Variants in MCPH1 observed in about 807,000 individuals in gnomAD.
MCPH1 encodes the protein microcephalin 1.
In MCPH1, 104 loss-of-function variants were observed where a neutral mutation model predicts 84.5. The observed-to-expected ratio is 1.23, with a 90% confidence interval of 1.05 to 1.45. The LOEUF is 1.45. Among genes scored for constraint, MCPH1 ranks in the 40% most tolerant of loss-of-function variants. The probability of loss-of-function intolerance (pLI) is 0.00; values close to 1 mark genes in which losing one functional copy is unlikely to be tolerated. For missense variants in MCPH1, 1,498 were observed against 1,005.7 expected (o/e 1.49, Z -6.62); for synonymous variants, 514 against 366.8 (o/e 1.40, Z -4.58).
chr8:6,513,587 C>T, intron 12 of MCPH1: 1 of 1,016,876 alleles, frequency 9.8e-7, no homozygotes, highest in Non-Finnish European at 1.4e-6. Context: ...CCCACCTCGG[C>T]CTCCCAAAGT....
chr8:6,581,530 A>T (rs1416942906), intron 12 of MCPH1, among the ~76,000 whole-genome samples: 2 of 152,248 alleles, frequency 1.3e-5, no homozygotes, highest in African/African-American at 4.8e-5. Context: ...AAACATCAGG[A>T]TCTCATGTAA....
chr8:6,482,930 A>G (rs895618180), intron 11 of MCPH1, among the ~76,000 whole-genome samples: 6 of 152,262 alleles, frequency 3.9e-5, no homozygotes, highest in Non-Finnish European at 7.3e-5. Flanking sequence ...AGGCAATCAG[A>G]CAAGAAAAGA....
At chr8:6,422,644 A>C (rs1800384916) in intron 3 of MCPH1, among the ~76,000 whole-genome samples, 1 of 152,178 alleles carries the variant, frequency 6.6e-6, no homozygotes, top group African/African-American at 2.4e-5. Flanking sequence ...CAAGGGGCTC[A>C]TGCAGACCCC....
intron 12 of MCPH1, among the ~76,000 whole-genome samples, chr8:6,590,108 C>T (rs548828445): frequency 5.3e-5 from 8 of 151,240 alleles, no homozygotes; most frequent in Non-Finnish European, 1.0e-4. Context: ...CATTTGGTGC[C>T]GGAAGAATGA....
chr8:6,500,025 A>C (rs1432307371), intron 12 of MCPH1, 96 bp downstream of exon 12: 1 of 1,006,796 alleles, frequency 9.9e-7, no homozygotes. Flanking sequence ...TATCCAGTCA[A>C]GCACAATTAT....
At position 6,644,211 on chromosome 8, in the gene MCPH1, A is replaced by C. The variant is rs1338616276; in HGVS notation, c.*1162A>C. 1 of 152,196 alleles carries C rather than the reference A, an allele frequency of 6.6e-6. No homozygotes were observed. The highest frequency in any genetic ancestry group is 2.4e-5 in the African/African-American group (1 of 41,422). 9.4% of individuals were successfully genotyped at this position (152,196 alleles called of 1,614,324 possible). A position where few individuals can be genotyped will look rare whatever the true frequency, so the allele number is the denominator to read the frequency against. ...GTTGCAGTGAGCCAAGGTTGCAGTGAATCAAGATTGCTCCACTGCACTCCA... is the reference window on the plus strand; with the variant it reads ...GTTGCAGTGAGCCAAGGTTGCAGTGCATCAAGATTGCTCCACTGCACTCCA... On this transcript the variant is annotated 3_prime_UTR_variant, in exon 14 of 14. Coordinates refer to ENST00000344683, the MANE Select transcript of MCPH1 (RefSeq NM_024596.5).
Position 6,575,263 on chromosome 8 carries a change from A to G in MCPH1, c.2215-46191A>G, listed in dbSNP as rs185578566. Reference sequence around the variant, plus strand: ...TTAACTAATATTAAACAGTATATGAAACAGGTGAAGAAGAACAGCTGTATA... The same window carrying G: ...TTAACTAATATTAAACAGTATATGAGACAGGTGAAGAAGAACAGCTGTATA... On this transcript the variant is annotated intron_variant, in intron 12 of 13. Coordinates refer to ENST00000344683, the MANE Select transcript of MCPH1 (RefSeq NM_024596.5). Among the ~76,000 whole-genome samples the G allele has an allele frequency of 2.0e-5, 3 of 152,354 alleles. No homozygotes were observed. The East Asian group carries it at 5.8e-4, about 29-fold the overall frequency.
chr8:6,605,380 AGTCCTT>A (rs1458016293), intron 12 of MCPH1, among the ~76,000 whole-genome samples: 3 of 152,190 alleles, frequency 2.0e-5, no homozygotes, highest in African/African-American at 7.2e-5. Context: ...TAGAGCAGGG[AGTCCTT>A]GCCTTTCATT....
intron 12 of MCPH1, among the ~76,000 whole-genome samples, chr8:6,516,355 A>C (rs769492359): frequency 2.0e-5 from 3 of 152,192 alleles, no homozygotes; most frequent in Non-Finnish European, 4.4e-5. Flanking sequence ...GAAAGGAGAA[A>C]AGATTTAGCA....
chr8:6,503,345 G>A, intron 12 of MCPH1: 1 of 1,446,466 alleles, frequency 6.9e-7, no homozygotes, highest in South Asian at 1.2e-5. Flanking sequence ...GCTAAGGCAG[G>A]AGGCACACTG....
At chr8:6,462,521 C>A (rs1342182773) in intron 9 of MCPH1, among the ~76,000 whole-genome samples, 1 of 152,124 alleles carries the variant, frequency 6.6e-6, no homozygotes, top group East Asian at 1.9e-4. Flanking sequence ...TTTGAATATT[C>A]TTCCAAAACT....
chr8:6,527,456 G>A, intron 12 of MCPH1: 2 of 1,453,718 alleles, frequency 1.4e-6, no homozygotes, highest in Non-Finnish European at 1.9e-6. Context: ...CACTAGACAT[G>A]AAGAAACTCA....
chr8:6,423,417 G>A (rs1348923451), intron 3 of MCPH1, among the ~76,000 whole-genome samples: 2 of 151,862 alleles, frequency 1.3e-5, no homozygotes, highest in African/African-American at 2.4e-5. Context: ...CGCCCGCCTC[G>A]GCCTCCCAAA....
At chr8:6,550,257 A>G (rs1245084323) in intron 12 of MCPH1, among the ~76,000 whole-genome samples, 1 of 152,108 alleles carries the variant, frequency 6.6e-6, no homozygotes, top group Non-Finnish European at 1.5e-5. Flanking sequence ...ACTGATGCGC[A>G]GCTCAGGCAG....
At chr8:6,623,079 C>T (rs770524479) in intron 13 of MCPH1, among the ~76,000 whole-genome samples, 4 of 148,758 alleles carry the variant, frequency 2.7e-5, no homozygotes, top group East Asian at 2.0e-4. Flanking sequence ...TCTCAAACTC[C>T]GGGGCTCAAG....
At chr8:6,521,473 G>T (rs1817323486) in intron 12 of MCPH1, 1 of 1,161,414 alleles carries the variant, frequency 8.6e-7, no homozygotes, top group Non-Finnish European at 1.2e-6. Context: ...TATATTTATT[G>T]AATTTCTACT....
chr8:6,521,368 G>T (rs1434261997), intron 12 of MCPH1: 1 of 1,613,534 alleles, frequency 6.2e-7, no homozygotes, highest in Admixed American at 1.7e-5. Context: ...GTAGTTGGAT[G>T]ATGTGCTTGT....
At chr8:6,557,461 G>T (rs938952766) in intron 12 of MCPH1, among the ~76,000 whole-genome samples, 6 of 152,114 alleles carry the variant, frequency 3.9e-5, no homozygotes, top group African/African-American at 1.4e-4. Context: ...TTCAGTGGCT[G>T]TCTTTATATC....
intron 9 of MCPH1, among the ~76,000 whole-genome samples, chr8:6,459,714 C>A (rs1806069727): frequency 6.6e-6 from 1 of 152,168 alleles, no homozygotes; most frequent in African/African-American, 2.4e-5. Flanking sequence ...TCCCGTGGCC[C>A]TAATGACTTT....
Sources: gnomAD v4.1 joint callset for allele counts (sites outside exome capture counted in the v4.1 genomes callset) on GRCh38, gnomAD v4.1.1 for gene constraint, MANE v1.5 for transcripts, NCBI Gene and HGNC (gene_info 2026-07-23, HGNC 2026-07-21) for gene names.